Variants in BMPR2 observed in about 807,000 individuals in gnomAD.
The protein encoded by BMPR2 is bone morphogenetic protein receptor type 2, also known as bone morphogenetic protein receptor type-2.
In BMPR2, 29 loss-of-function variants were observed where a neutral mutation model predicts 100.8. That is an observed-to-expected ratio of 0.29 (90% confidence interval 0.21 to 0.39). The LOEUF is 0.39. BMPR2 is among the 10% of genes least tolerant of loss of function. The probability of loss-of-function intolerance (pLI) is 1.00; values close to 1 mark genes in which losing one functional copy is unlikely to be tolerated. For missense variants in BMPR2, 1,011 were observed against 1,274.5 expected, an observed-to-expected ratio of 0.79 and a Z score of 3.15; for synonymous variants, 382 against 442.3, an observed-to-expected ratio of 0.86 and a Z score of 1.71.
chr2:202,542,457 A>T lies in BMPR2; in HGVS notation c.1413+10A>T, dbSNP rs1388869180. The T allele has an allele frequency of 6.2e-7, 1 of 1,613,528 alleles. No individual in the cohort carries two copies. Among genetic ancestry groups the T allele is most frequent in the Non-Finnish European group, 8.5e-7 (1 of 1,179,734 alleles). On this transcript the variant is annotated intron_variant, in intron 10 of 12. Transcript: ENST00000374580. ...GAAAGAAAATAGCCTGGTAAGAAAA[A>T]ACTAAGTTATTAAAGAGAGGACTTA... is the stretch of plus-strand genomic sequence containing the variant.
chr2:202,391,532 C>T (rs34047945), intron 1 of BMPR2, among the ~76,000 whole-genome samples: 17,974 of 150,326 alleles, frequency 0.12, 1,180 homozygotes, highest in Admixed American at 0.14. Flanking sequence ...GCTCAAGCGA[C>T]CCTTTTGCCT....
intron 1 of BMPR2, among the ~76,000 whole-genome samples, chr2:202,380,866 G>A (rs1294836283): frequency 3.3e-5 from 5 of 150,872 alleles, no homozygotes; most frequent in South Asian, 2.1e-4. Flanking sequence ...TGATCTGCCC[G>A]CCTCGGCCTC....
At chr2:202,386,883 CTG>C (rs1690439753) in intron 1 of BMPR2, among the ~76,000 whole-genome samples, 2 of 152,102 alleles carry the variant, frequency 1.3e-5, no homozygotes, top group Admixed American at 1.3e-4. Context: ...CGGGATTTCA[CTG>C]TGTTAGCCAG....
chr2:202,430,376 G>A (rs556069377), intron 1 of BMPR2, among the ~76,000 whole-genome samples: 1 of 152,146 alleles, frequency 6.6e-6, no homozygotes, highest in African/African-American at 2.4e-5. Flanking sequence ...TTTCCCATTA[G>A]ATTACACATT....
At chr2:202,524,781 G>A (rs912250541) in intron 7 of BMPR2, among the ~76,000 whole-genome samples, 2 of 151,900 alleles carry the variant, frequency 1.3e-5, no homozygotes, top group African/African-American at 2.4e-5. Context: ...GCCTGTAATC[G>A]CAACACTTTG....
At chr2:202,440,233 G>A (rs1160782441) in intron 1 of BMPR2, among the ~76,000 whole-genome samples, 2 of 150,622 alleles carry the variant, frequency 1.3e-5, no homozygotes, top group East Asian at 1.9e-4. Context: ...GAGCTGTTGG[G>A]TACACCTCCC....
At chr2:202,442,495 A>G (rs1027739629) in intron 1 of BMPR2, among the ~76,000 whole-genome samples, 3 of 150,458 alleles carry the variant, frequency 2.0e-5, no homozygotes, top group Admixed American at 6.6e-5. Context: ...TCAAGTATAT[A>G]GTACAATATT....
chr2:202,471,363 A>G (rs1378350503), intron 3 of BMPR2, among the ~76,000 whole-genome samples: 6 of 152,200 alleles, frequency 3.9e-5, no homozygotes, highest in African/African-American at 7.2e-5. Context: ...GGCAGTTTCA[A>G]TGAGGAGCCA....
At chr2:202,384,838 C>T (rs1313438382) in intron 1 of BMPR2, among the ~76,000 whole-genome samples, 1 of 152,064 alleles carries the variant, frequency 6.6e-6, no homozygotes, top group Non-Finnish European at 1.5e-5. Flanking sequence ...GGTAATCTGC[C>T]TGCCTCAGCC....
At chr2:202,416,993 C>T (rs1472896686) in intron 1 of BMPR2, among the ~76,000 whole-genome samples, 11 of 150,338 alleles carry the variant, frequency 7.3e-5, no homozygotes, top group East Asian at 2.0e-4. Flanking sequence ...CCCGCCACCA[C>T]GCCCGGCTAA....
intron 1 of BMPR2, among the ~76,000 whole-genome samples, chr2:202,449,308 C>CAAATAAAT (rs200671172): frequency 0.021 from 3,000 of 143,040 alleles, 37 homozygotes; most frequent in South Asian, 0.04. Context: ...AACTCCATCT[C>CAAATAAAT]AAATAAATAA....
chr2:202,432,884 A>G (rs1281271943), intron 1 of BMPR2, among the ~76,000 whole-genome samples: 1 of 150,594 alleles, frequency 6.6e-6, no homozygotes. Context: ...GTTGTTAACT[A>G]AAATGATAAA....
intron 1 of BMPR2, among the ~76,000 whole-genome samples, chr2:202,388,840 C>CT (rs1166280302): frequency 6.6e-6 from 1 of 151,454 alleles, no homozygotes; most frequent in Non-Finnish European, 1.5e-5. Flanking sequence ...GTGTTCTACT[C>CT]TAAGCATCTA....
chr2:202,379,842 CT>C (rs1690235379), intron 1 of BMPR2, among the ~76,000 whole-genome samples: 2 of 142,678 alleles, frequency 1.4e-5, no homozygotes, highest in Non-Finnish European at 3.2e-5. Flanking sequence ...AGAACATTTT[CT>C]TTCTTTCTTT....
rs923431885 is a variant in BMPR2 at position 202,444,514 on chromosome 2, G to T, written c.77-20295G>T. 2.6e-4 allele frequency among the ~76,000 whole-genome samples: 39 copies of T among 150,664 alleles called. 1 individual carries two copies. The highest frequency in any genetic ancestry group is 1.6e-3 in the Admixed American group (25 of 15,248). On this transcript the variant is annotated intron_variant, in intron 1 of 12. Transcript: ENST00000374580. ...TAATTTGTTTTTTGTGTTGGTGTTG[G>T]TGTATATAGTTACATCAAAAATTTT...
intron 3 of BMPR2, among the ~76,000 whole-genome samples, chr2:202,485,931 T>C (rs141746915): frequency 6.6e-6 from 1 of 152,174 alleles, no homozygotes; most frequent in East Asian, 1.9e-4. Context: ...AATTGCTAAG[T>C]GAGGGCTTAG....
chr2:202,536,676 C>T (rs1416444699), intron 9 of BMPR2, among the ~76,000 whole-genome samples: 1 of 151,840 alleles, frequency 6.6e-6, no homozygotes, highest in African/African-American at 2.4e-5. Context: ...AGTTCAAGAC[C>T]AGCCTGACCA....
chr2:202,507,014 A>G (rs982293723), intron 3 of BMPR2, among the ~76,000 whole-genome samples: 1 of 147,836 alleles, frequency 6.8e-6, no homozygotes, highest in African/African-American at 2.5e-5. Context: ...CGAAGGTTGT[A>G]GTGACCCGAG....
chr2:202,497,186 C>T (rs1447616412), intron 3 of BMPR2, among the ~76,000 whole-genome samples: 8 of 152,208 alleles, frequency 5.3e-5, no homozygotes, highest in Non-Finnish European at 1.2e-4. Context: ...ATGCCTGAGC[C>T]TCCCACCCCC....
Sources: gnomAD v4.1 joint callset for allele counts (sites outside exome capture counted in the v4.1 genomes callset) on GRCh38, gnomAD v4.1.1 for gene constraint, MANE v1.5 for transcripts, NCBI Gene and HGNC (gene_info 2026-07-23, HGNC 2026-07-21) for gene names.